CACNA1E: variants seen among roughly 807,000 people sequenced by gnomAD.
CACNA1E encodes voltage-dependent R-type calcium channel subunit alpha-1E.
In CACNA1E, 40 loss-of-function variants were observed where a neutral mutation model predicts 259.2. The observed-to-expected ratio is 0.15, with a 90% CI of 0.12 to 0.20. CACNA1E has a LOEUF of 0.20. Among genes scored for constraint, CACNA1E ranks in the 10% least tolerant of loss-of-function variants. The probability of loss-of-function intolerance (pLI) is 1.00; values close to 1 mark genes in which losing one functional copy is unlikely to be tolerated. For missense variants in CACNA1E, 1,874 were observed against 3,040.1 expected (o/e 0.62, Z 9.02); for synonymous variants, 1,104 against 1,138.5 (o/e 0.97, Z 0.61).
intron 1 of CACNA1E, among the ~76,000 whole-genome samples, chr1:181,488,018 A>G (rs1387678922): frequency 6.6e-6 from 1 of 152,152 alleles, no homozygotes; most frequent in Admixed American, 6.5e-5. Flanking sequence ...TTAATCCATG[A>G]TTTCTTATTG....
chr1:181,719,753 C>T lies in CACNA1E; in HGVS notation c.1641C>T (p.Val547=). 6.3e-7 allele frequency: 1 copy of T among 1,579,576 alleles called. No homozygotes were observed. The highest frequency in any genetic ancestry group is 2.3e-5 in the East Asian group (1 of 44,212). The part of the protein sequence containing the change: ...HSSFNCFDFG[V]TVGSIFEVVW... ...TGTGGCTGGCATTGCCTCTCTAGGT[C>T]ACAGTGGGCAGTATCTTTGAAGTGG... Residue 547 remains valine (V), a splice_region_variant and synonymous_variant, in exon 13 of 48, where the codon GTC becomes GTT. Coordinates refer to ENST00000367573, the MANE Select transcript of CACNA1E (RefSeq NM_001205293.3).
At chr1:181,375,714 T>A (rs1655057516) in intron 1 of CACNA1E, among the ~76,000 whole-genome samples, 1 of 152,166 alleles carries the variant, frequency 6.6e-6, no homozygotes, top group Non-Finnish European at 1.5e-5. Flanking sequence ...TGGTAAGCAA[T>A]GGCAAGCAAT....
chr1:181,725,100 C>T (rs147689082), intron 17 of CACNA1E, among the ~76,000 whole-genome samples: 1 of 152,354 alleles, frequency 6.6e-6, no homozygotes, highest in African/African-American at 2.4e-5. Flanking sequence ...ATATTAACAG[C>T]AGTGGGATGG....
intron 1 of CACNA1E, among the ~76,000 whole-genome samples, chr1:181,359,262 T>C (rs575093324): frequency 6.6e-6 from 1 of 152,192 alleles, no homozygotes; most frequent in East Asian, 1.9e-4. Flanking sequence ...AACAAATAAG[T>C]ACAAGGCAAA....
intron 25 of CACNA1E, among the ~76,000 whole-genome samples, chr1:181,740,341 T>G (rs545669828): frequency 6.6e-6 from 1 of 152,334 alleles, no homozygotes; most frequent in South Asian, 2.1e-4. Context: ...TCCAAGTGTT[T>G]AGAAAGAGAT....
rs773102478 is a variant in CACNA1E, at chr1:181,785,382, T to G, written c.5643T>G (p.Ser1881Arg). The G allele has an allele frequency of 6.2e-7, 1 of 1,613,220 alleles. No homozygotes were observed. Among genetic ancestry groups the G allele is most frequent in the Non-Finnish European group, 8.5e-7 (1 of 1,179,558 alleles). Residue 1881 changes from serine (S) to arginine (R), a missense_variant, in exon 42 of 48, where the codon AGT (serine) becomes AGG (arginine). Transcript: ENST00000367573. ...TGATCATGGACTACTATAAGCAGAGTAAGGTGAAGAAGCAGAGGCAGCAGC... is the reference window on the plus strand; with the variant it reads ...TGATCATGGACTACTATAAGCAGAGGAAGGTGAAGAAGCAGAGGCAGCAGC... ...AMMIMDYYKQ[S>R]KVKKQRQQLE...
At chr1:181,774,257 G>A (rs1221841328) in intron 37 of CACNA1E, among the ~76,000 whole-genome samples, 4 of 152,186 alleles carry the variant, frequency 2.6e-5, no homozygotes, top group South Asian at 2.1e-4. Context: ...TAGGTACCCC[G>A]AAAAGTATAC....
chr1:181,578,996 G>T, intron 4 of CACNA1E, 76 bp from the exon 5 acceptor site: 1 of 1,232,744 alleles, frequency 8.1e-7, no homozygotes. Context: ...AACCAATGAG[G>T]GAATGAAACT....
chr1:181,417,067 A>C (rs1031858536), intron 2 of CACNA1E, among the ~76,000 whole-genome samples: 6 of 151,562 alleles, frequency 4.0e-5, no homozygotes, highest in Admixed American at 1.3e-4. Context: ...ATTACTCCAT[A>C]ATCTCGGTTT....
Position 181,713,757 on chromosome 1 carries a change from T to C in CACNA1E, c.1172-1581T>C, listed in dbSNP as rs111408153. The stretch of plus-strand genomic sequence containing the variant: ...TGGGTTGAGCTCAAACTCATCCCGT[T>C]ACTCCTCATAGGGCATGCAGGATCC... On this transcript the variant is annotated intron_variant, in intron 8 of 47. Coordinates refer to ENST00000367573, the MANE Select transcript of CACNA1E (RefSeq NM_001205293.3). 3.4e-3 allele frequency among the ~76,000 whole-genome samples: 524 copies of C among 152,318 alleles called. 4 individuals carry two copies. The highest frequency in any genetic ancestry group is 0.012 in the African/African-American group (506 of 41,578).
chr1:181,493,467 T>A (rs1436952715), intron 1 of CACNA1E, among the ~76,000 whole-genome samples: 4 of 152,206 alleles, frequency 2.6e-5, no homozygotes, highest in African/African-American at 9.6e-5. Context: ...GACAGGGTGC[T>A]CTTCTGTTGT....
rs192096227 is a variant in CACNA1E, at chr1:181,400,104, C to G, written c.-14-13029C>G. ...TATGCTATATCTCAGTGTTCCCCCC[C>G]ACCAGGGGTACATCGTGAAGCAGAT... On this transcript the variant is annotated intron_variant, in intron 1 of 11. Coordinates refer to the CACNA1E transcript ENST00000524607. Among the ~76,000 whole-genome samples the G allele has an allele frequency of 6.8e-4, 103 of 152,320 alleles. 2 individuals carry two copies. Among genetic ancestry groups the G allele is most frequent in the Admixed American group, 6.5e-3 (99 of 15,300 alleles).
At chr1:181,689,609 A>G (rs1370927194) in intron 7 of CACNA1E, among the ~76,000 whole-genome samples, 3 of 152,132 alleles carry the variant, frequency 2.0e-5, no homozygotes, top group Admixed American at 6.6e-5. Context: ...CTGTAAAAGC[A>G]TTCCTGTTCC....
chr1:181,691,315 G>A (rs1464618336), intron 7 of CACNA1E, among the ~76,000 whole-genome samples: 2 of 151,020 alleles, frequency 1.3e-5, no homozygotes, highest in African/African-American at 2.4e-5. Context: ...ATTTTTTTAG[G>A]TACTACATTT....
At chr1:181,322,645 G>T (rs1440909480) in intron 1 of CACNA1E, among the ~76,000 whole-genome samples, 1 of 152,166 alleles carries the variant, frequency 6.6e-6, no homozygotes, top group Non-Finnish European at 1.5e-5. Context: ...CATGGACTTG[G>T]GGGTAACTGC....
intron 6 of CACNA1E, among the ~76,000 whole-genome samples, chr1:181,641,703 GTTTTTTTTTTTTTTTT>G (rs751082929): frequency 4.6e-4 from 37 of 81,128 alleles, no homozygotes; most frequent in Middle Eastern, 7.0e-3. Context: ...CTAATTTTTT[GTTTTTTTTTTTTTTTT>G]TTTTTTTTTT....
chr1:181,639,291 T>C (rs1317359559), intron 6 of CACNA1E, among the ~76,000 whole-genome samples: 1 of 152,202 alleles, frequency 6.6e-6, no homozygotes, highest in Non-Finnish European at 1.5e-5. Flanking sequence ...GGTTTCACCG[T>C]GTTAGCCAGG....
At position 181,800,336 on chromosome 1, in the gene CACNA1E, CAGAG is replaced by C. The variant is rs1008065274; in HGVS notation, c.*1503_*1506del. ...GCCAAGATGGGGCTTCACCCCTCCCCAGAGTAAGAGCTGGGGCTGACAGTCCCAC... is the reference window on the plus strand; with the variant it reads ...GCCAAGATGGGGCTTCACCCCTCCCCTAAGAGCTGGGGCTGACAGTCCCAC... On this transcript the variant is annotated 3_prime_UTR_variant, in exon 48 of 48. Coordinates refer to ENST00000367573, the MANE Select transcript of CACNA1E (RefSeq NM_001205293.3). The C allele has an allele frequency of 3.0e-4, 46 of 152,744 alleles. No homozygotes were observed. Among genetic ancestry groups the C allele is most frequent in the African/African-American group, 1.1e-3 (44 of 41,576 alleles). The allele number at this position is 152,744 out of a possible 1,614,324, so 9.5% of individuals were successfully genotyped here. A position where few individuals can be genotyped will look rare whatever the true frequency, so the allele number is the denominator to read the frequency against.
chr1:181,737,676 G>A (rs980173790), intron 23 of CACNA1E, 22 bp downstream of exon 23: 1 of 1,610,562 alleles, frequency 6.2e-7, no homozygotes, highest in South Asian at 1.1e-5. Context: ...GGGGCCATGT[G>A]CCAGCCTCTG....
Sources: gnomAD v4.1 joint callset for allele counts (sites outside exome capture counted in the v4.1 genomes callset) on GRCh38, gnomAD v4.1.1 for gene constraint, MANE v1.5 for transcripts, NCBI Gene and HGNC (gene_info 2026-07-23, HGNC 2026-07-21) for gene names.